SSPN: variants seen among roughly 807,000 people sequenced by gnomAD.
The protein encoded by SSPN is sarcospan.
A neutral mutation model predicts 19.1 loss-of-function variants in SSPN; 15 were observed. The observed-to-expected ratio is 0.78, with a 90% CI of 0.52 to 1.21. SSPN has a LOEUF of 1.21. Among genes scored for constraint, SSPN ranks in the 50% most tolerant of loss-of-function variants. The pLI, the probability that SSPN is intolerant of heterozygous loss-of-function variation, is 0.00. For synonymous variants in SSPN, 147 were observed against 140.3 expected, an observed-to-expected ratio of 1.05 and a Z score of -0.34; for missense variants, 291 against 314.0, an observed-to-expected ratio of 0.93 and a Z score of 0.55.
intron 1 of SSPN, among the ~76,000 whole-genome samples, chr12:26,202,964 A>T (rs942995916): frequency 1.3e-5 from 2 of 152,202 alleles, no homozygotes; most frequent in Non-Finnish European, 2.9e-5. Flanking sequence ...ACTTACAATC[A>T]TGGCAGAAGG....
chr12:26,159,751 G>A (rs181534814), intron 1 of SSPN, among the ~76,000 whole-genome samples: 1 of 152,318 alleles, frequency 6.6e-6, no homozygotes, highest in East Asian at 1.9e-4. Context: ...CAAAGAGGCA[G>A]ATGTTGGCTG....
chr12:26,212,035 G>A (rs1392925335), intron 1 of SSPN, among the ~76,000 whole-genome samples: 1 of 152,122 alleles, frequency 6.6e-6, no homozygotes. Context: ...GCAAATGCAT[G>A]AGCAAAATTT....
intron 2 of SSPN, among the ~76,000 whole-genome samples, chr12:26,226,428 TGAC>T (rs1377406343): frequency 2.0e-5 from 3 of 152,196 alleles, no homozygotes; most frequent in African/African-American, 7.2e-5. Flanking sequence ...CGGGCCATGA[TGAC>T]AGTCTCATTG....
At chr12:26,192,964 T>A (rs16930293), upstream of SSPN, among the ~76,000 whole-genome samples, 32,724 of 152,132 alleles carry the variant, frequency 0.22, 4,252 homozygotes, top group African/African-American at 0.37. Flanking sequence ...GCTAAAAATG[T>A]TTCACTTTTA....
At chr12:26,175,145 G>C (rs1045377119) in intron 1 of SSPN, among the ~76,000 whole-genome samples, 1 of 152,230 alleles carries the variant, frequency 6.6e-6, no homozygotes, top group African/African-American at 2.4e-5. Flanking sequence ...AGTGGGTGTA[G>C]CATTTTGTAT....
At chr12:26,122,835 C>T (rs1345549020) in intron 1 of SSPN, 1 of 1,581,330 alleles carries the variant, frequency 6.3e-7, no homozygotes, top group South Asian at 1.2e-5. Context: ...GAGCTCGGCG[C>T]TGGGCTGAGT....
At chr12:26,180,858 A>G (rs1375241719) in intron 1 of SSPN, 1 of 152,228 alleles carries the variant, frequency 6.6e-6, no homozygotes, top group Non-Finnish European at 1.5e-5. Context: ...AATAGAGCAT[A>G]TGGAGGGAAG....
chr12:26,140,151 T>C (rs1944450439), intron 1 of SSPN, among the ~76,000 whole-genome samples: 1 of 152,226 alleles, frequency 6.6e-6, no homozygotes, highest in East Asian at 1.9e-4. Flanking sequence ...AGTTATTTCA[T>C]GAAATATAGT....
intron 1 of SSPN, among the ~76,000 whole-genome samples, chr12:26,167,934 C>T (rs1333298439): frequency 6.6e-6 from 1 of 152,186 alleles, no homozygotes; most frequent in Non-Finnish European, 1.5e-5. Context: ...ACAAGGGCAG[C>T]TGGGCATGGT....
At chr12:26,227,633 A>G (rs1945191047) in intron 2 of SSPN, among the ~76,000 whole-genome samples, 1 of 152,174 alleles carries the variant, frequency 6.6e-6, no homozygotes, top group Non-Finnish European at 1.5e-5. Flanking sequence ...CATCCCTACT[A>G]ATTTGCTTAT....
At chr12:26,143,786 G>A (rs1160374776) in intron 1 of SSPN, among the ~76,000 whole-genome samples, 5 of 152,238 alleles carry the variant, frequency 3.3e-5, no homozygotes, top group Non-Finnish European at 7.3e-5. Context: ...GGACATGCAA[G>A]TAAAGCTTCA....
chr12:26,157,174 G>C (rs1993973), intron 1 of SSPN, among the ~76,000 whole-genome samples: 3 of 152,004 alleles, frequency 2.0e-5, no homozygotes, highest in African/African-American at 7.3e-5. Context: ...AGGGTTTTCC[G>C]GGTGCAGATT....
chr12:26,181,720 G>T (rs1192322158), intron 1 of SSPN, among the ~76,000 whole-genome samples: 2 of 152,124 alleles, frequency 1.3e-5, no homozygotes, highest in Non-Finnish European at 2.9e-5. Context: ...TAAATCGACT[G>T]ACAGAAACCA....
intron 1 of SSPN, among the ~76,000 whole-genome samples, chr12:26,168,214 G>GAAAAA (rs60365188): frequency 5.1e-5 from 6 of 117,556 alleles, no homozygotes; most frequent in African/African-American, 1.9e-4. Flanking sequence ...CCCTGTCTCA[G>GAAAAA]AAAAAAAAAA....
intron 1 of SSPN, chr12:26,122,978 C>T (rs1256278938): frequency 6.4e-7 from 1 of 1,564,902 alleles, no homozygotes; most frequent in Non-Finnish European, 8.7e-7. Flanking sequence ...GTTGAGTCAA[C>T]AGCTGCGGGG....
intron 1 of SSPN, among the ~76,000 whole-genome samples, chr12:26,168,860 G>T (rs548666013): frequency 5.3e-5 from 8 of 152,264 alleles, no homozygotes; most frequent in African/African-American, 1.9e-4. Context: ...ATGCCACAAT[G>T]GTTAATGTGG....
chr12:26,224,170 A>G, intron 1 of SSPN, 123 bp from the exon 2 acceptor site: 6 of 694,992 alleles, frequency 8.6e-6, no homozygotes, highest in Non-Finnish European at 1.5e-5. Context: ...GTACATAAAG[A>G]TAAGTAAAAG....
intron 1 of SSPN, among the ~76,000 whole-genome samples, chr12:26,184,770 T>C (rs541952820): frequency 6.6e-6 from 1 of 152,254 alleles, no homozygotes; most frequent in East Asian, 1.9e-4. Context: ...AAAACTTCTC[T>C]CATAGAGAGG....
At chr12:26,144,544 C>G (rs1944478753) in intron 1 of SSPN, among the ~76,000 whole-genome samples, 1 of 152,206 alleles carries the variant, frequency 6.6e-6, no homozygotes, top group South Asian at 2.1e-4. Flanking sequence ...TTCTGCGTCT[C>G]TCTTGGACTG....
Sources: gnomAD v4.1 joint callset for allele counts (sites outside exome capture counted in the v4.1 genomes callset) on GRCh38, gnomAD v4.1.1 for gene constraint, MANE v1.5 for transcripts, NCBI Gene and HGNC (gene_info 2026-07-23, HGNC 2026-07-21) for gene names.